The following SPOCK3 variants were observed in gnomAD, a reference collection of about 807,000 sequenced individuals.
The protein encoded by SPOCK3 is SPARC (osteonectin), cwcv and kazal like domains proteoglycan 3.
Under a neutral mutation model 56.6 loss-of-function variants are expected in SPOCK3, and 30 were observed. That is an observed-to-expected ratio of 0.53 (90% CI 0.40 to 0.72). The LOEUF is 0.72. Ranked by LOEUF, SPOCK3 falls within the 30% of genes least tolerant of loss-of-function variation. SPOCK3 has a pLI of 0.00. For synonymous variants in SPOCK3, 196 were observed against 183.3 expected (o/e 1.07, Z -0.56); for missense variants, 527 against 530.0 (o/e 0.99, Z 0.06).
At chr4:166,825,887 A>AG (rs1249131048) in intron 6 of SPOCK3, among the ~76,000 whole-genome samples, 1 of 152,018 alleles carries the variant, frequency 6.6e-6, no homozygotes, top group South Asian at 2.1e-4. Flanking sequence ...TTGAGGACTC[A>AG]GGGGGAAGGT....
intron 6 of SPOCK3, among the ~76,000 whole-genome samples, chr4:166,840,798 AG>A (rs1747190297): frequency 3.0e-5 from 1 of 33,274 alleles, no homozygotes; most frequent in Non-Finnish European, 4.7e-5. Context: ...TTTTTTTTTT[AG>A]ATGCAGTCTC....
intron 3 of SPOCK3, among the ~76,000 whole-genome samples, chr4:167,020,604 T>C (rs1751073799): frequency 6.6e-6 from 1 of 151,970 alleles, no homozygotes; most frequent in African/African-American, 2.4e-5. Flanking sequence ...CCTTCTGCCA[T>C]ATGGGGGCAG....
At chr4:167,116,907 G>GTA (rs1439696016) in intron 2 of SPOCK3, among the ~76,000 whole-genome samples, 1 of 108,582 alleles carries the variant, frequency 9.2e-6, no homozygotes, top group African/African-American at 3.0e-5. Flanking sequence ...TTTTGTGTGT[G>GTA]TGTGTGTATA....
intron 3 of SPOCK3, among the ~76,000 whole-genome samples, chr4:167,029,715 A>G (rs1481609519): frequency 1.3e-5 from 2 of 151,810 alleles, no homozygotes; most frequent in Non-Finnish European, 2.9e-5. Flanking sequence ...TTTTCTTTAT[A>G]TTTGCTGTTC....
At chr4:166,855,931 C>A (rs55711272) in intron 6 of SPOCK3, among the ~76,000 whole-genome samples, 27,004 of 152,058 alleles carry the variant, frequency 0.18, 4,724 homozygotes, top group African/African-American at 0.44. Flanking sequence ...ATCATCTTTT[C>A]TCATCAAGTT....
At chr4:166,909,512 AT>A (rs1316208576) in intron 5 of SPOCK3, among the ~76,000 whole-genome samples, 1 of 152,070 alleles carries the variant, frequency 6.6e-6, no homozygotes, top group Non-Finnish European at 1.5e-5. Context: ...TAGGAATATT[AT>A]TTGTAGTATT....
At chr4:167,186,459 T>C (rs1580551726) in intron 2 of SPOCK3, among the ~76,000 whole-genome samples, 6 of 151,992 alleles carry the variant, frequency 3.9e-5, no homozygotes, top group Admixed American at 3.3e-4. Flanking sequence ...AAACCCCATC[T>C]CTACTGAAAA....
Position 166,912,703 on chromosome 4 carries a change from G to A in SPOCK3, c.391C>T (p.Pro131Ser). Residue 131 changes from proline to serine, a missense_variant, in exon 5 of 11, where the codon CCC becomes TCC. Coordinates refer to ENST00000357545, the MANE Select transcript of SPOCK3 (RefSeq NM_001040159.2). The stretch of plus-strand genomic sequence containing the variant: ...CACTGCTTGCAGGTGGATAATATGG[G>A]ACCCCTCCACTGCCTATGGTCTACT... ...AGVDHRQWRG[P>S]ILSTCKQCPV... The A allele has an allele frequency of 6.2e-7, 1 of 1,613,148 alleles. No homozygotes were observed. The highest frequency in any genetic ancestry group is 8.5e-7 in the Non-Finnish European group (1 of 1,179,570).
chr4:167,141,066 T>A (rs1019724500), intron 2 of SPOCK3, among the ~76,000 whole-genome samples: 4 of 151,768 alleles, frequency 2.6e-5, no homozygotes, highest in African/African-American at 7.3e-5. Flanking sequence ...CCCAGAGGAG[T>A]TGGCCTCCTG....
In SPOCK3 at chr4:166,854,159, CAAAGA is replaced by C. The variant is rs1005145430; in HGVS notation, c.589+34966_589+34970del. On this transcript the variant is annotated intron_variant, in intron 6 of 10. Coordinates refer to ENST00000357545, the MANE Select transcript of SPOCK3 (RefSeq NM_001040159.2). ...CGTAAATAAACTCTCCCTCCCAAAG[CAAAGA>C]AGAGTACTGTCCTACATCAGCAAAC... is the stretch of plus-strand genomic sequence containing the variant. Among the ~76,000 whole-genome samples the C allele has an allele frequency of 7.9e-5, 12 of 152,180 alleles. 1 individual carries two copies. Among genetic ancestry groups the C allele is most frequent in the African/African-American group, 1.9e-4 (8 of 41,542 alleles).
intron 2 of SPOCK3, among the ~76,000 whole-genome samples, chr4:167,101,961 G>A (rs1425375000): frequency 2.0e-5 from 3 of 151,762 alleles, no homozygotes; most frequent in Non-Finnish European, 4.4e-5. Context: ...GGCTCCCAAA[G>A]TGCTGGGATT....
At chr4:167,100,237 G>T (rs1011804839) in intron 2 of SPOCK3, among the ~76,000 whole-genome samples, 4 of 152,172 alleles carry the variant, frequency 2.6e-5, no homozygotes, top group East Asian at 1.9e-4. Context: ...GGCAGCTATT[G>T]TTAGACGTCC....
chr4:167,142,600 T>C (rs976670520), intron 2 of SPOCK3, among the ~76,000 whole-genome samples: 1 of 151,932 alleles, frequency 6.6e-6, no homozygotes, highest in African/African-American at 2.4e-5. Context: ...GAAAATAATG[T>C]GAATAAAGAA....
At chr4:167,051,279 C>T (rs1329884629) in intron 3 of SPOCK3, among the ~76,000 whole-genome samples, 1 of 152,134 alleles carries the variant, frequency 6.6e-6, no homozygotes, top group Non-Finnish European at 1.5e-5. Flanking sequence ...TCCTGCACAG[C>T]AAGGACTGAG....
chr4:167,025,313 G>C (rs141405392), intron 3 of SPOCK3, among the ~76,000 whole-genome samples: 2 of 151,472 alleles, frequency 1.3e-5, no homozygotes, highest in East Asian at 3.9e-4. Flanking sequence ...AGCAGGCCAA[G>C]CCTACCAAAA....
chr4:167,166,352 C>T (rs188929520), intron 2 of SPOCK3, among the ~76,000 whole-genome samples: 1 of 152,168 alleles, frequency 6.6e-6, no homozygotes, highest in East Asian at 1.9e-4. Context: ...TTCAACTGTA[C>T]CTCAAGGCTA....
At chr4:167,173,881 T>C (rs559246344) in intron 2 of SPOCK3, among the ~76,000 whole-genome samples, 1 of 152,198 alleles carries the variant, frequency 6.6e-6, no homozygotes, top group South Asian at 2.1e-4. Context: ...TAGGGCCCTA[T>C]AGGCCTGAGG....
intron 2 of SPOCK3, among the ~76,000 whole-genome samples, chr4:167,188,202 G>A (rs1438083118): frequency 6.8e-6 from 1 of 146,112 alleles, no homozygotes; most frequent in African/African-American, 2.6e-5. Flanking sequence ...TAAACAGCCC[G>A]CTGTATTGAT....
chr4:167,150,335 C>G (rs1170768594), intron 2 of SPOCK3, among the ~76,000 whole-genome samples: 1 of 151,370 alleles, frequency 6.6e-6, no homozygotes, highest in Non-Finnish European at 1.5e-5. Context: ...ACTTTAAATA[C>G]TAGAGGAGTT....
Sources: gnomAD v4.1 joint callset for allele counts (sites outside exome capture counted in the v4.1 genomes callset) on GRCh38, gnomAD v4.1.1 for gene constraint, MANE v1.5 for transcripts, NCBI Gene and HGNC (gene_info 2026-07-23, HGNC 2026-07-21) for gene names.